Variants in DNER observed in about 807,000 individuals in gnomAD.
The protein encoded by DNER is delta and Notch-like epidermal growth factor-related receptor.
A neutral mutation model predicts 78.2 loss-of-function variants in DNER; 33 were observed. That is an observed-to-expected ratio of 0.42 (90% CI 0.32 to 0.56). The LOEUF is 0.56. DNER is among the 20% of genes least tolerant of loss of function. The probability of loss-of-function intolerance (pLI) is 0.11; values close to 1 mark genes in which losing one functional copy is unlikely to be tolerated. For missense variants in DNER, 918 were observed against 975.3 expected (o/e 0.94, Z 0.78); for synonymous variants, 417 against 384.8 (o/e 1.08, Z -0.98).
At chr2:229,697,851 C>G (rs571417789) in intron 1 of DNER, among the ~76,000 whole-genome samples, 16 of 152,130 alleles carry the variant, frequency 1.1e-4, no homozygotes, top group Non-Finnish European at 1.9e-4. Flanking sequence ...GGAAAGAAGA[C>G]CTGCCTCCAA....
Position 229,417,573 on chromosome 2 carries a change from A to G in DNER, c.1609+535T>C, listed in dbSNP as rs117270764. 1.1e-4 allele frequency among the ~76,000 whole-genome samples: 17 copies of G among 151,686 alleles called. No individual in the cohort carries two copies. In the East Asian group the frequency reaches 3.3e-3, roughly 30 times the overall value. On this transcript the variant is annotated intron_variant, in intron 9 of 12. Transcript: ENST00000341772. ...GGGGAAGAGCATTACTGTCCACCTC[A>G]TAGGGTTCTCGGGGGGATTTAGTGA...
At chr2:229,435,237 A>T (rs1165369884) in intron 8 of DNER, among the ~76,000 whole-genome samples, 2 of 152,146 alleles carry the variant, frequency 1.3e-5, no homozygotes, top group African/African-American at 2.4e-5. Flanking sequence ...ATGAAGAGAG[A>T]CATGTGGCTT....
intron 11 of DNER, among the ~76,000 whole-genome samples, chr2:229,380,654 C>G (rs1342514666): frequency 6.6e-6 from 1 of 152,184 alleles, no homozygotes. Context: ...CAGTCAGGCA[C>G]GGTGACTCAC....
intron 6 of DNER, among the ~76,000 whole-genome samples, chr2:229,504,139 C>T (rs1695684980): frequency 6.6e-6 from 1 of 152,210 alleles, no homozygotes; most frequent in Admixed American, 6.5e-5. Flanking sequence ...TGAGTGTACA[C>T]ACACCCAGTC....
chr2:229,478,972 C>T (rs1338935412), intron 6 of DNER, among the ~76,000 whole-genome samples: 1 of 152,100 alleles, frequency 6.6e-6, no homozygotes, highest in Non-Finnish European at 1.5e-5. Context: ...CCCCAAACCC[C>T]CACTCCCAAC....
At chr2:229,446,189 T>G (rs569745706) in intron 8 of DNER, among the ~76,000 whole-genome samples, 16 of 152,282 alleles carry the variant, frequency 1.1e-4, no homozygotes, top group African/African-American at 3.1e-4. Context: ...ACCAGAGATG[T>G]GAAGCACCCG....
At chr2:229,542,551 T>A (rs1696536056) in intron 5 of DNER, among the ~76,000 whole-genome samples, 1 of 152,150 alleles carries the variant, frequency 6.6e-6, no homozygotes, top group African/African-American at 2.4e-5. Context: ...ATAAAAATGA[T>A]GAGAAACAAT....
At chr2:229,640,837 G>A (rs1291632278) in intron 1 of DNER, among the ~76,000 whole-genome samples, 1 of 152,166 alleles carries the variant, frequency 6.6e-6, no homozygotes, top group African/African-American at 2.4e-5. Context: ...GAACTCCAGG[G>A]TTTTGGATAG....
chr2:229,389,260 C>T (rs1448067763), intron 10 of DNER, among the ~76,000 whole-genome samples: 1 of 151,924 alleles, frequency 6.6e-6, no homozygotes, highest in East Asian at 1.9e-4. Flanking sequence ...AATTACAAAC[C>T]AGGGTCCAGA....
intron 11 of DNER, among the ~76,000 whole-genome samples, chr2:229,372,511 GAGAGAGAGGC>G (rs769009015): frequency 6.6e-6 from 1 of 152,200 alleles, no homozygotes; most frequent in Non-Finnish European, 1.5e-5. Flanking sequence ...ATGACTGCTT[GAGAGAGAGGC>G]AGAGAGTGGC....
chr2:229,428,439 T>C (rs1693930496), intron 8 of DNER, among the ~76,000 whole-genome samples: 1 of 152,134 alleles, frequency 6.6e-6, no homozygotes. Context: ...TTCCTGGCTG[T>C]TTTGTCCAGA....
At chr2:229,439,384 G>A (rs1327052823) in intron 8 of DNER, among the ~76,000 whole-genome samples, 1 of 152,180 alleles carries the variant, frequency 6.6e-6, no homozygotes, top group Admixed American at 6.5e-5. Context: ...CAAGGTGGAG[G>A]ACCATCTGTA....
intron 7 of DNER, among the ~76,000 whole-genome samples, chr2:229,449,520 T>C (rs1694409186): frequency 6.6e-6 from 1 of 152,098 alleles, no homozygotes; most frequent in African/African-American, 2.4e-5. Flanking sequence ...ACCCTACAGC[T>C]TGCATTTAGT....
At chr2:229,521,881 T>C (rs1466555116) in intron 5 of DNER, among the ~76,000 whole-genome samples, 1 of 152,196 alleles carries the variant, frequency 6.6e-6, no homozygotes, top group East Asian at 1.9e-4. Context: ...TTTGGCTGGG[T>C]CTTATTGTTC....
intron 7 of DNER, among the ~76,000 whole-genome samples, chr2:229,467,061 T>C (rs1183671475): frequency 6.6e-6 from 1 of 152,138 alleles, no homozygotes; most frequent in Non-Finnish European, 1.5e-5. Flanking sequence ...AAGAGGACCC[T>C]GGTCAAATGC....
At chr2:229,452,474 C>G (rs1251747484) in intron 7 of DNER, among the ~76,000 whole-genome samples, 1 of 151,908 alleles carries the variant, frequency 6.6e-6, no homozygotes, top group African/African-American at 2.4e-5. Flanking sequence ...CTGTGGCAAA[C>G]GGGAGAAAGC....
chr2:229,562,700 TGA>T (rs1696982232), intron 4 of DNER, among the ~76,000 whole-genome samples: 1 of 152,126 alleles, frequency 6.6e-6, no homozygotes, highest in Non-Finnish European at 1.5e-5. Context: ...TCTGTGACTT[TGA>T]GAGAGTTAGT....
chr2:229,439,425 T>C (rs1248524134), intron 8 of DNER, among the ~76,000 whole-genome samples: 1 of 152,212 alleles, frequency 6.6e-6, no homozygotes, highest in Non-Finnish European at 1.5e-5. Context: ...AAGCCAGTTA[T>C]GTTTGTCTGC....
At position 229,448,709 on chromosome 2, in the gene DNER, T is replaced by C. The variant is rs537562379; in HGVS notation, c.1262-1169A>G. Among the ~76,000 whole-genome samples the C allele has an allele frequency of 4.6e-5, 7 of 152,358 alleles. No individual in the cohort carries two copies. In the South Asian group the frequency reaches 6.2e-4, roughly 14 times the overall value. On this transcript the variant is annotated intron_variant, in intron 7 of 12. Transcript: ENST00000341772. ...ACATCTGTGCATACATGTAGGTATA[T>C]ATGTTTAACAATGCTTTCCATAAAA...
Sources: allele counts gnomAD v4.1 joint callset (sites outside exome capture counted in the v4.1 genomes callset), GRCh38; gene constraint gnomAD v4.1.1; transcripts MANE v1.5; gene names NCBI Gene and HGNC (gene_info 2026-07-23, HGNC 2026-07-21).